Variants in RBFOX1 observed in about 807,000 individuals in gnomAD.
RBFOX1 encodes the protein RNA binding protein fox-1 homolog 1.
RBFOX1 carries 8 observed loss-of-function variants against 57.7 expected under a neutral mutation model. That is an observed-to-expected ratio of 0.14 (90% CI 0.08 to 0.25). RBFOX1 has a LOEUF of 0.25. Ranked by LOEUF, RBFOX1 falls within the 10% of genes least tolerant of loss-of-function variation. The pLI is 1.00. For missense variants in RBFOX1, 611 were observed against 548.5 expected (o/e 1.11, Z -1.14); for synonymous variants, 326 against 222.4 (o/e 1.47, Z -4.15).
chr16:7,566,543 C>T (rs138861727), intron 5 of RBFOX1, among the ~76,000 whole-genome samples: 131 of 152,228 alleles, frequency 8.6e-4, no homozygotes, highest in African/African-American at 3.1e-3. Context: ...TCGGACAGAT[C>T]GCCTAACCTC....
At chr16:7,053,786 G>C (rs970360776) in intron 4 of RBFOX1, among the ~76,000 whole-genome samples, 1 of 152,140 alleles carries the variant, frequency 6.6e-6, no homozygotes, top group Non-Finnish European at 1.5e-5. Context: ...TTAGTCCCAA[G>C]TATGGCTCCA....
chr16:5,309,605 T>C (rs2064029769), intron 1 of RBFOX1, among the ~76,000 whole-genome samples: 1 of 152,192 alleles, frequency 6.6e-6, no homozygotes, highest in Non-Finnish European at 1.5e-5. Context: ...AGTGTAACCA[T>C]CACGTGAATA....
intron 3 of RBFOX1, among the ~76,000 whole-genome samples, chr16:6,805,741 A>G (rs935421613): frequency 7.2e-5 from 11 of 152,092 alleles, no homozygotes; most frequent in African/African-American, 2.7e-4. Flanking sequence ...TCCTTTCTTC[A>G]AGGTTTTTCC....
chr16:6,415,623 T>C (rs11866513), intron 2 of RBFOX1, among the ~76,000 whole-genome samples: 96,177 of 151,906 alleles, frequency 0.63, 31,236 homozygotes, highest in African/African-American at 0.79. Flanking sequence ...ATCGCTTGAA[T>C]CCGGGAGATG....
intron 4 of RBFOX1, among the ~76,000 whole-genome samples, chr16:7,401,341 A>G (rs1235531761): frequency 1.3e-5 from 2 of 152,192 alleles, no homozygotes; most frequent in African/African-American, 4.8e-5. Flanking sequence ...CAAGGAGGTA[A>G]ACTTTGTTGA....
At chr16:6,442,964 A>G (rs1291766990) in intron 2 of RBFOX1, among the ~76,000 whole-genome samples, 5 of 152,154 alleles carry the variant, frequency 3.3e-5, no homozygotes, top group Non-Finnish European at 1.5e-5. Context: ...TCTGAGTCCC[A>G]CCCTGAGACA....
chr16:7,252,230 A>G (rs2094522848), intron 4 of RBFOX1, among the ~76,000 whole-genome samples: 2 of 152,284 alleles, frequency 1.3e-5, no homozygotes, highest in East Asian at 3.9e-4. Flanking sequence ...TGTTTCCCCC[A>G]TATCTCCATT....
chr16:6,991,169 G>C (rs917104655), intron 3 of RBFOX1, among the ~76,000 whole-genome samples: 3 of 143,686 alleles, frequency 2.1e-5, no homozygotes, highest in Admixed American at 6.9e-5. Flanking sequence ...AAAAGACACG[G>C]TGGCGTGTAC....
At chr16:5,467,307 G>A in intron 2 of RBFOX1, 1 of 1,434,338 alleles carries the variant, frequency 7.0e-7, no homozygotes, top group Non-Finnish European at 9.4e-7. Context: ...TAGTGGAAAT[G>A]AAAGCAATAG....
At chr16:7,376,238 G>T (rs1487888538) in intron 4 of RBFOX1, among the ~76,000 whole-genome samples, 1 of 152,178 alleles carries the variant, frequency 6.6e-6, no homozygotes, top group Non-Finnish European at 1.5e-5. Flanking sequence ...ATGAAATTCT[G>T]ATAAACAGGG....
chr16:6,017,298 G>A (rs532451907), upstream of RBFOX1, among the ~76,000 whole-genome samples: 47 of 152,140 alleles, frequency 3.1e-4, no homozygotes, highest in African/African-American at 8.2e-4. Flanking sequence ...AGAATTTCCC[G>A]TTAACTGCCA....
intron 4 of RBFOX1, among the ~76,000 whole-genome samples, chr16:7,469,261 A>C (rs1202066440): frequency 6.6e-6 from 1 of 151,628 alleles, no homozygotes; most frequent in South Asian, 2.1e-4. Context: ...ACAGGGTTTC[A>C]CCATGTCGGT....
chr16:5,837,672 G>A (rs937908051), intron 3 of RBFOX1, among the ~76,000 whole-genome samples: 2 of 151,708 alleles, frequency 1.3e-5, no homozygotes, highest in Non-Finnish European at 2.9e-5. Context: ...AGAACTGGGT[G>A]AGGATTTTTA....
chr16:5,804,553 G>C (rs922195636), intron 3 of RBFOX1, among the ~76,000 whole-genome samples: 2 of 152,188 alleles, frequency 1.3e-5, no homozygotes, highest in African/African-American at 4.8e-5. Flanking sequence ...GTGAATTCCA[G>C]GTATGAGTTG....
chr16:6,596,942 C>T (rs1361346745), intron 2 of RBFOX1, among the ~76,000 whole-genome samples: 1 of 152,170 alleles, frequency 6.6e-6, no homozygotes, highest in African/African-American at 2.4e-5. Context: ...AGTTAGGCAG[C>T]CCCTGGTTTC....
intron 4 of RBFOX1, among the ~76,000 whole-genome samples, chr16:7,094,067 G>A (rs1200966577): frequency 2.0e-5 from 3 of 150,156 alleles, no homozygotes. Flanking sequence ...GAGGATCAGA[G>A]CAAAACATAC....
At chr16:7,472,581 A>C (rs1445604773) in intron 4 of RBFOX1, among the ~76,000 whole-genome samples, 1 of 152,202 alleles carries the variant, frequency 6.6e-6, no homozygotes, top group East Asian at 1.9e-4. Context: ...TTTACTGTGA[A>C]ACGACTCCTT....
At chr16:5,893,689 C>G (rs1303482184) in intron 4 of RBFOX1, among the ~76,000 whole-genome samples, 2 of 151,826 alleles carry the variant, frequency 1.3e-5, no homozygotes, top group Non-Finnish European at 2.9e-5. Flanking sequence ...GCTTGTAATC[C>G]CGGTTGCTAT....
At chr16:7,599,457 A>AT (rs5815416) in intron 9 of RBFOX1, among the ~76,000 whole-genome samples, 80,714 of 151,960 alleles carry the variant, frequency 0.53, 25,361 homozygotes, top group Non-Finnish European at 0.69. Context: ...GACCTGTAGG[A>AT]TTTTTTAACA....
Sources: allele counts gnomAD v4.1 joint callset (sites outside exome capture counted in the v4.1 genomes callset), GRCh38; gene constraint gnomAD v4.1.1; transcripts MANE v1.5; gene names NCBI Gene and HGNC (gene_info 2026-07-23, HGNC 2026-07-21).